FBXO25: variants seen among roughly 807,000 people sequenced by gnomAD.
FBXO25 encodes the protein F-box protein 25.
In FBXO25, 45 loss-of-function variants were observed where a neutral mutation model predicts 51.9. The observed-to-expected ratio is 0.87, with a 90% confidence interval of 0.68 to 1.11. The LOEUF is 1.11. Among genes scored for constraint, FBXO25 ranks in the 50% most tolerant of loss-of-function variants. The pLI is 0.00. For missense variants in FBXO25, 507 were observed against 428.5 expected, an observed-to-expected ratio of 1.18 and a Z score of -1.62; for synonymous variants, 199 against 151.0, an observed-to-expected ratio of 1.32 and a Z score of -2.33.
intron 7 of FBXO25, among the ~76,000 whole-genome samples, chr8:454,657 C>T (rs953322125): frequency 2.0e-5 from 3 of 152,018 alleles, no homozygotes; most frequent in Non-Finnish European, 4.4e-5. Context: ...TTTGGGAGGC[C>T]GAGGTGGGCA....
In FBXO25 at chr8:462,564, T is replaced by C. The variant is rs552010731; in HGVS notation, c.844-443T>C. ...CCCAAGTGAGTTTAATTTCAAATAA[T>C]TGTTTTATGTACTACACTGCCTTTG... On this transcript the variant is annotated intron_variant, in intron 8 of 9. Coordinates refer to ENST00000350302, the MANE Select transcript of FBXO25 (RefSeq NM_183420.2). 4.1e-4 allele frequency among the ~76,000 whole-genome samples: 62 copies of C among 152,374 alleles called. 1 individual carries two copies. The highest frequency in any genetic ancestry group is 1.4e-3 in the African/African-American group (60 of 41,596).
chr8:468,920 C>A lies in FBXO25; in HGVS notation c.*116C>A. 1 of 953,968 alleles carries A rather than the reference C, an allele frequency of 1.0e-6. No individual in the cohort carries two copies. Among genetic ancestry groups the A allele is most frequent in the Non-Finnish European group, 1.5e-6 (1 of 661,886 alleles). The allele number at this position is 953,968 out of a possible 1,614,324, so 59.1% of individuals were successfully genotyped here. ...CTCGGAAGCCCCTGCTTCCAGAAAG[C>A]CTGGGAAGAACTGCCCTTCTGCAAA... On this transcript the variant is annotated 3_prime_UTR_variant, in exon 10 of 10. Coordinates refer to ENST00000350302, the MANE Select transcript of FBXO25 (RefSeq NM_183420.2).
At chr8:437,856 T>C (rs547950446) in intron 5 of FBXO25, among the ~76,000 whole-genome samples, 2 of 152,260 alleles carry the variant, frequency 1.3e-5, no homozygotes, top group African/African-American at 2.4e-5. Flanking sequence ...ACTGAGAGGA[T>C]TGTCTTGTAG....
chr8:430,187 T>C (rs1379975226), intron 2 of FBXO25, among the ~76,000 whole-genome samples: 1 of 152,260 alleles, frequency 6.6e-6, no homozygotes, highest in Non-Finnish European at 1.5e-5. Context: ...GTAATTTTCG[T>C]TAGAAAAACC....
chr8:425,698 A>G (rs905589150), intron 2 of FBXO25, among the ~76,000 whole-genome samples: 31 of 151,754 alleles, frequency 2.0e-4, no homozygotes, highest in Admixed American at 1.7e-3. Context: ...TTCTCTATAT[A>G]TTTTCCCAGC....
chr8:455,196 C>G (rs751252022), intron 7 of FBXO25, among the ~76,000 whole-genome samples: 3 of 152,190 alleles, frequency 2.0e-5, no homozygotes, highest in Non-Finnish European at 4.4e-5. Context: ...GGACCAGACT[C>G]AGGGCTTTGT....
At chr8:468,447 C>G (rs2116863384) in intron 9 of FBXO25, among the ~76,000 whole-genome samples, 1 of 152,252 alleles carries the variant, frequency 6.6e-6, no homozygotes, top group East Asian at 1.9e-4. Context: ...GCTGGCTCCT[C>G]TGACTCAGTA....
chr8:432,016 A>C (rs1317864248), intron 3 of FBXO25, among the ~76,000 whole-genome samples: 1 of 152,288 alleles, frequency 6.6e-6, no homozygotes, highest in South Asian at 2.1e-4. Context: ...TTTTTTATGT[A>C]TATACACACT....
At chr8:426,358 A>C (rs1000324586) in intron 2 of FBXO25, among the ~76,000 whole-genome samples, 1 of 152,138 alleles carries the variant, frequency 6.6e-6, no homozygotes, top group Non-Finnish European at 1.5e-5. Flanking sequence ...TAAATATGTT[A>C]CTGAACCTAT....
At chr8:441,820 C>T (rs1422013810) in intron 5 of FBXO25, among the ~76,000 whole-genome samples, 1 of 152,214 alleles carries the variant, frequency 6.6e-6, no homozygotes, top group Non-Finnish European at 1.5e-5. Context: ...TACCATCTCA[C>T]ACCAGTTAGG....
chr8:465,478 T>G (rs1800095913), intron 9 of FBXO25, among the ~76,000 whole-genome samples: 1 of 152,278 alleles, frequency 6.6e-6, no homozygotes, highest in Non-Finnish European at 1.5e-5. Context: ...GTATTTTTCT[T>G]AGAACAATAT....
chr8:459,051 A>T (rs1290297112), intron 8 of FBXO25, among the ~76,000 whole-genome samples: 1 of 151,864 alleles, frequency 6.6e-6, no homozygotes, highest in Non-Finnish European at 1.5e-5. Flanking sequence ...TTCTGCTGTC[A>T]CTCCTTGAGG....
Position 477,958 on chromosome 8 carries a change from T to C in FBXO25, c.*9154T>C, listed in dbSNP as rs887744982. The C allele has an allele frequency of 2.0e-5, 3 of 152,336 alleles. No homozygotes were observed. Among genetic ancestry groups the C allele is most frequent in the East Asian group, 3.9e-4 (2 of 5,192 alleles). 9.4% of individuals were successfully genotyped at this position (152,336 alleles called of 1,614,324 possible). On this transcript the variant is annotated 3_prime_UTR_variant, in exon 10 of 10. Transcript: ENST00000350302. ...ATTTGACATTTTCCATTAAAAGTTA[T>C]ATAACACTACTTTTTTGTACTCGTT...
At chr8:427,403 T>C (rs1373902257) in intron 2 of FBXO25, among the ~76,000 whole-genome samples, 2 of 151,118 alleles carry the variant, frequency 1.3e-5, no homozygotes, top group African/African-American at 4.9e-5. Context: ...CTTAGAGTCA[T>C]GGCAACTTGT....
At chr8:453,541 C>A (rs536888601) in intron 7 of FBXO25, among the ~76,000 whole-genome samples, 9 of 152,186 alleles carry the variant, frequency 5.9e-5, no homozygotes, top group African/African-American at 2.2e-4. Context: ...TTGTAGATGC[C>A]GGACTCAGTC....
At chr8:421,285 C>T (rs1288893260) in intron 2 of FBXO25, among the ~76,000 whole-genome samples, 2 of 152,204 alleles carry the variant, frequency 1.3e-5, no homozygotes, top group Non-Finnish European at 2.9e-5. Context: ...CTCCTCGCCC[C>T]AGTCTGTGGA....
rs1800678051 is a variant in FBXO25 at position 477,448 on chromosome 8, C to CAT, written c.*8651_*8652dup. 6.6e-6 allele frequency: 1 copy of CAT among 152,214 alleles called. No homozygotes were observed. Among genetic ancestry groups the CAT allele is most frequent in the African/African-American group, 2.4e-5 (1 of 41,446 alleles). The allele number at this position is 152,214 out of a possible 1,614,324, so 9.4% of individuals were successfully genotyped here. ...ATATTTTGGGCTCTGATGTTTGGTG[C>CAT]ATATATATTACATCTTGGTGAATTT... On this transcript the variant is annotated 3_prime_UTR_variant, in exon 10 of 10. Coordinates refer to ENST00000350302, the MANE Select transcript of FBXO25 (RefSeq NM_183420.2).
intron 7 of FBXO25, among the ~76,000 whole-genome samples, chr8:454,386 A>G (rs985403471): frequency 2.0e-5 from 3 of 152,246 alleles, no homozygotes; most frequent in African/African-American, 7.2e-5. Context: ...TCACCCCGTC[A>G]GCACTTCCTA....
chr8:468,897 C>A lies in FBXO25; in HGVS notation c.*93C>A. On this transcript the variant is annotated 3_prime_UTR_variant, in exon 10 of 10. Coordinates refer to ENST00000350302, the MANE Select transcript of FBXO25 (RefSeq NM_183420.2). ...TTCTGTGAGGTGGGTGGAGACTCCT[C>A]GGAAGCCCCTGCTTCCAGAAAGCCT... The A allele has an allele frequency of 8.5e-7, 1 of 1,180,054 alleles. No individual in the cohort carries two copies. 73.1% of individuals were successfully genotyped at this position (1,180,054 alleles called of 1,614,324 possible). A position where few individuals can be genotyped will look rare whatever the true frequency, so the allele number is the denominator to read the frequency against.
Sources: gnomAD v4.1 joint callset for allele counts (sites outside exome capture counted in the v4.1 genomes callset) on GRCh38, gnomAD v4.1.1 for gene constraint, MANE v1.5 for transcripts, NCBI Gene and HGNC (gene_info 2026-07-23, HGNC 2026-07-21) for gene names.